KIRREL3: variants seen among roughly 807,000 people sequenced by gnomAD.
KIRREL3 encodes the protein kin of IRRE-like protein 3.
In KIRREL3, 36 loss-of-function variants were observed where a neutral mutation model predicts 89.7. That is an observed-to-expected ratio of 0.40 (90% CI 0.31 to 0.53). The LOEUF (loss-of-function observed/expected upper bound fraction) is 0.53. Among genes scored for constraint, KIRREL3 ranks in the 20% least tolerant of loss-of-function variants. KIRREL3 has a pLI of 0.49. For missense variants in KIRREL3, 864 were observed against 1,056.6 expected, an observed-to-expected ratio of 0.82 and a Z score of 2.53; for synonymous variants, 445 against 441.4, an observed-to-expected ratio of 1.01 and a Z score of -0.10.
Position 126,605,069 on chromosome 11 carries a change from C to T in KIRREL3, c.56-42157G>A, listed in dbSNP as rs1006014385. Among the ~76,000 whole-genome samples, 11 of 152,222 alleles carry T rather than the reference C, an allele frequency of 7.2e-5. No individual in the cohort carries two copies. The South Asian group carries it at 8.3e-4, about 11-fold the overall frequency. On this transcript the variant is annotated intron_variant, in intron 1 of 16. Coordinates refer to ENST00000525144, the MANE Select transcript of KIRREL3 (RefSeq NM_032531.4). The surrounding 1 kb of genome is among the most constrained non-coding windows in gnomAD (Gnocchi z 5.7). ...AGACCCATAATCACAGACAATGCAT[C>T]GAGCCTGGTGAGGGTGTGGCCTTTC... is the stretch of plus-strand genomic sequence containing the variant.
Position 126,981,225 on chromosome 11 carries a change from CCTT to C in KIRREL3, c.55+19227_55+19229del, listed in dbSNP as rs758634007. ...CATGGCCCGTTGGACCACAGCAAGA[CCTT>C]CTTATTTTTGCAAGCTATTCTATTT... On this transcript the variant is annotated intron_variant, in intron 1 of 16. Coordinates refer to ENST00000525144, the MANE Select transcript of KIRREL3 (RefSeq NM_032531.4). This position sits in a 1 kb window ranked among gnomAD's most constrained non-coding sequence, Gnocchi z 4.2. Among the ~76,000 whole-genome samples, 6 of 152,098 alleles carry C rather than the reference CCTT, an allele frequency of 3.9e-5. No individual in the cohort carries two copies. The highest frequency in any genetic ancestry group is 2.6e-4 in the Admixed American group (4 of 15,274).
intron 1 of KIRREL3, among the ~76,000 whole-genome samples, chr11:126,706,062 C>T (rs562542708): frequency 1.2e-4 from 18 of 152,326 alleles, no homozygotes; most frequent in African/African-American, 4.3e-4. Context: ...GAGTGAACCA[C>T]TAGGGCCTTC....
Position 126,606,567 on chromosome 11 carries a change from A to G in KIRREL3, c.56-43655T>C, listed in dbSNP as rs918110367. On this transcript the variant is annotated intron_variant, in intron 1 of 16. Transcript: ENST00000525144. This position sits in a 1 kb window ranked among gnomAD's most constrained non-coding sequence, Gnocchi z 4.6. The stretch of plus-strand genomic sequence containing the variant: ...TTCCCCACCTTAGGGTGGTCTCCAG[A>G]CCACATCCCAGATGACCTTACACAC... Among the ~76,000 whole-genome samples the G allele has an allele frequency of 2.6e-5, 4 of 152,096 alleles. No homozygotes were observed. Among genetic ancestry groups the G allele is most frequent in the African/African-American group, 9.7e-5 (4 of 41,414 alleles).
At chr11:126,659,937 C>T (rs899846103) in intron 1 of KIRREL3, among the ~76,000 whole-genome samples, 5 of 152,152 alleles carry the variant, frequency 3.3e-5, no homozygotes, top group African/African-American at 1.2e-4. Flanking sequence ...TGGAGGTGGC[C>T]TGGTGCTTAT....
chr11:126,614,296 G>C lies in KIRREL3; in HGVS notation c.56-51384C>G, dbSNP rs542535076. On this transcript the variant is annotated intron_variant, in intron 1 of 16. Transcript: ENST00000525144. This position sits in a 1 kb window ranked among gnomAD's most constrained non-coding sequence, Gnocchi z 4.6. ...AGGTAGCCTAGTAAAAGAGATACTAGATTGGAAGTCAGAAGCCAGGAGTTC... is the reference window on the plus strand; with the variant it reads ...AGGTAGCCTAGTAAAAGAGATACTACATTGGAAGTCAGAAGCCAGGAGTTC... 1.5e-4 allele frequency among the ~76,000 whole-genome samples: 23 copies of C among 152,228 alleles called. No individual in the cohort carries two copies. The highest frequency in any genetic ancestry group is 4.1e-4 in the South Asian group (2 of 4,822).
rs768863008 is a variant in KIRREL3, at chr11:126,459,921, G to A, written c.742+3236C>T. Among the ~76,000 whole-genome samples, 7 of 152,178 alleles carry A rather than the reference G, an allele frequency of 4.6e-5. No individual in the cohort carries two copies. Among genetic ancestry groups the A allele is most frequent in the Admixed American group, 6.5e-5 (1 of 15,282 alleles). On this transcript the variant is annotated intron_variant, in intron 6 of 16. Coordinates refer to ENST00000525144, the MANE Select transcript of KIRREL3 (RefSeq NM_032531.4). This position sits in a 1 kb window ranked among gnomAD's most constrained non-coding sequence, Gnocchi z 4.8. Reference sequence around the variant, plus strand: ...ACTCAATCTGAGGGCTTTGTCTTCCGTTGGGTAACATATGAAGACCAAGAG... The same window carrying A: ...ACTCAATCTGAGGGCTTTGTCTTCCATTGGGTAACATATGAAGACCAAGAG...
In KIRREL3 at chr11:126,636,205, T is replaced by G. The variant is rs1944258584; in HGVS notation, c.56-73293A>C. Among the ~76,000 whole-genome samples the G allele has an allele frequency of 6.6e-6, 1 of 152,230 alleles. No individual in the cohort carries two copies. Among genetic ancestry groups the G allele is most frequent in the South Asian group, 2.1e-4 (1 of 4,832 alleles). Reference sequence around the variant, plus strand: ...CTTAGCATTATAAAATAATGGATACTTATGGCATACCCAGGGCATGGCATG... The same window carrying G: ...CTTAGCATTATAAAATAATGGATACGTATGGCATACCCAGGGCATGGCATG... On this transcript the variant is annotated intron_variant, in intron 1 of 16. Coordinates refer to ENST00000525144, the MANE Select transcript of KIRREL3 (RefSeq NM_032531.4). The surrounding 1 kb of genome is among the most constrained non-coding windows in gnomAD (Gnocchi z 4.4).
rs1328490615 is a variant in KIRREL3, at chr11:126,520,055, A to T, written c.433+1260T>A. On this transcript the variant is annotated intron_variant, in intron 4 of 16. Coordinates refer to ENST00000525144, the MANE Select transcript of KIRREL3 (RefSeq NM_032531.4). The surrounding 1 kb of genome is among the most constrained non-coding windows in gnomAD (Gnocchi z 4.9). ...CAAGTCCCTCCCCCGCATCTCAAGAAGTCAAGCTCCGAGCTTGGTAAGTGG... is the reference window on the plus strand; with the variant it reads ...CAAGTCCCTCCCCCGCATCTCAAGATGTCAAGCTCCGAGCTTGGTAAGTGG... Among the ~76,000 whole-genome samples the T allele has an allele frequency of 6.6e-6, 1 of 152,138 alleles. No individual in the cohort carries two copies. The highest frequency in any genetic ancestry group is 2.4e-5 in the African/African-American group (1 of 41,424).
intron 1 of KIRREL3, among the ~76,000 whole-genome samples, chr11:126,962,600 G>T (rs1332445634): frequency 1.3e-5 from 2 of 152,184 alleles, no homozygotes; most frequent in Non-Finnish European, 2.9e-5. Flanking sequence ...GACAACAAAA[G>T]ATTTAGAATA....
chr11:126,445,832 T>C (rs4294574), intron 9 of KIRREL3, among the ~76,000 whole-genome samples: 68,005 of 151,956 alleles, frequency 0.45, 15,743 homozygotes, highest in Middle Eastern at 0.52. Context: ...TCTTATGCAC[T>C]GAAGAATATA....
At chr11:126,998,090 T>A (rs933613126) in intron 1 of KIRREL3, among the ~76,000 whole-genome samples, 5 of 152,134 alleles carry the variant, frequency 3.3e-5, no homozygotes, top group Non-Finnish European at 2.9e-5. Context: ...CTGTTAGACA[T>A]GGATGCGTTC....
intron 1 of KIRREL3, among the ~76,000 whole-genome samples, chr11:126,893,019 G>C (rs547173121): frequency 6.6e-6 from 1 of 152,256 alleles, no homozygotes; most frequent in South Asian, 2.1e-4. Flanking sequence ...GGATTTTGAC[G>C]CTGTCGTAAT....
chr11:126,965,839 C>T lies in KIRREL3; in HGVS notation c.55+34616G>A, dbSNP rs77109279. Among the ~76,000 whole-genome samples, 3,989 of 152,196 alleles carry T rather than the reference C, an allele frequency of 0.026. 81 individuals carry two copies. Among genetic ancestry groups the T allele is most frequent in the Middle Eastern group, 0.065 (19 of 294 alleles). ...TGATAGCCAGACAGGTGACAGAACT[C>T]GATGTGTGTGGGTATCAGGTCAGCA... On this transcript the variant is annotated intron_variant, in intron 1 of 16. Coordinates refer to ENST00000525144, the MANE Select transcript of KIRREL3 (RefSeq NM_032531.4). This position sits in a 1 kb window ranked among gnomAD's most constrained non-coding sequence, Gnocchi z 4.4.
In KIRREL3 at chr11:126,601,393, G is replaced by A. The variant is rs965955850; in HGVS notation, c.56-38481C>T. 2.0e-5 allele frequency among the ~76,000 whole-genome samples: 3 copies of A among 152,174 alleles called. No individual in the cohort carries two copies. The highest frequency in any genetic ancestry group is 2.1e-4 in the South Asian group (1 of 4,826). On this transcript the variant is annotated intron_variant, in intron 1 of 16. Coordinates refer to ENST00000525144, the MANE Select transcript of KIRREL3 (RefSeq NM_032531.4). The surrounding 1 kb of genome is among the most constrained non-coding windows in gnomAD (Gnocchi z 5.8). Reference sequence around the variant, plus strand: ...TGGGAACACAGCTCTGGGAGCACCTGCAATCTCATCTTGTTTCTTTCCAAG... The same window carrying A: ...TGGGAACACAGCTCTGGGAGCACCTACAATCTCATCTTGTTTCTTTCCAAG...
intron 1 of KIRREL3, among the ~76,000 whole-genome samples, chr11:126,973,796 A>T (rs182901812): frequency 6.6e-6 from 1 of 152,310 alleles, no homozygotes; most frequent in African/African-American, 2.4e-5. Flanking sequence ...GAGGGACTCA[A>T]TAAATGTTAG....
intron 1 of KIRREL3, among the ~76,000 whole-genome samples, chr11:126,784,528 G>A (rs558963012): frequency 6.6e-6 from 1 of 152,206 alleles, no homozygotes; most frequent in Admixed American, 6.5e-5. Context: ...AGGTGCCCTT[G>A]TGCAGTGAAC....
At chr11:126,980,603 A>G (rs1204477966) in intron 1 of KIRREL3, among the ~76,000 whole-genome samples, 11 of 152,204 alleles carry the variant, frequency 7.2e-5, no homozygotes, top group African/African-American at 2.7e-4. Context: ...CAATGGAAGG[A>G]AAAATGGAAA....
Position 126,668,803 on chromosome 11 carries a change from A to T in KIRREL3, c.56-105891T>A, listed in dbSNP as rs1445417989. Among the ~76,000 whole-genome samples, 1 of 144,414 alleles carries T rather than the reference A, an allele frequency of 6.9e-6. No individual in the cohort carries two copies. The highest frequency in any genetic ancestry group is 1.5e-5 in the Non-Finnish European group (1 of 66,936). The allele number at this position is 144,414 out of a possible 152,430, so 94.7% of individuals were successfully genotyped here. ...AAAGTTCAATTCTCCTAGGTGGCTC[A>T]CCTGGGCTTTTAATAATGTTTGGCT... is the stretch of plus-strand genomic sequence containing the variant. On this transcript the variant is annotated intron_variant, in intron 1 of 16. Coordinates refer to ENST00000525144, the MANE Select transcript of KIRREL3 (RefSeq NM_032531.4). This position sits in a 1 kb window ranked among gnomAD's most constrained non-coding sequence, Gnocchi z 4.4.
In KIRREL3 at chr11:126,664,384, A is replaced by G. The variant is rs1487649041; in HGVS notation, c.56-101472T>C. Among the ~76,000 whole-genome samples, 1 of 152,120 alleles carries G rather than the reference A, an allele frequency of 6.6e-6. No homozygotes were observed. The highest frequency in any genetic ancestry group is 2.4e-5 in the African/African-American group (1 of 41,424). On this transcript the variant is annotated intron_variant, in intron 1 of 16. Coordinates refer to ENST00000525144, the MANE Select transcript of KIRREL3 (RefSeq NM_032531.4). This position sits in a 1 kb window ranked among gnomAD's most constrained non-coding sequence, Gnocchi z 5.4. ...AGAGAGCAGGCACGCAGAGGCAGAG[A>G]GTGAAGTCTAGTGAGACCACACGGA...
Sources: gnomAD v4.1 joint callset for allele counts (sites outside exome capture counted in the v4.1 genomes callset) on GRCh38, gnomAD v4.1.1 for gene constraint, Gnocchi (gnomAD v3.1) non-coding constraint, MANE v1.5 for transcripts, NCBI Gene and HGNC (gene_info 2026-07-23, HGNC 2026-07-21) for gene names.